The following RTN4 variants were observed in gnomAD, a reference collection of about 807,000 sequenced individuals.
RTN4 encodes reticulon-4.
Under a neutral mutation model 90.4 loss-of-function variants are expected in RTN4, and 32 were observed. The observed-to-expected ratio is 0.35, with a 90% CI of 0.27 to 0.48. RTN4 has a LOEUF of 0.48. Among genes scored for constraint, RTN4 ranks in the 20% least tolerant of loss-of-function variants. RTN4 has a pLI of 0.99. For missense variants in RTN4, 1,706 were observed against 1,430.2 expected (o/e 1.19, Z -3.11); for synonymous variants, 629 against 552.5 (o/e 1.14, Z -1.94).
At chr2:55,071,303 C>T (rs1319148227) in intron 2 of RTN4, among the ~76,000 whole-genome samples, 1 of 151,910 alleles carries the variant, frequency 6.6e-6, no homozygotes, top group Admixed American at 6.6e-5. Context: ...CATCATTTCT[C>T]AAATGGGAGC....
chr2:55,004,695 T>A (rs1039403521), intron 3 of RTN4, among the ~76,000 whole-genome samples: 3 of 152,124 alleles, frequency 2.0e-5, no homozygotes, highest in Non-Finnish European at 2.9e-5. Context: ...TTTTCCTTCA[T>A]TGACAAGCTG....
intron 1 of RTN4, among the ~76,000 whole-genome samples, chr2:55,032,908 G>T (rs1228741170): frequency 2.6e-5 from 4 of 151,952 alleles, no homozygotes; most frequent in Non-Finnish European, 4.4e-5. Flanking sequence ...CACACGTGCA[G>T]TTCTAGCAAC....
At chr2:55,128,022 C>G in the RTN4 span, among the ~76,000 whole-genome samples, 1 of 151,802 alleles carries the variant, frequency 6.6e-6, no homozygotes, top group Non-Finnish European at 1.5e-5. Context: ...AAGTTTTCTT[C>G]CATGCCTGGC....
chr2:55,049,956 C>T lies in RTN4; in HGVS notation c.345G>A (p.Ser115=). ...ACAGCGGGGATGGCGCGGGCACGGT[C>T]GACGACACCGGGCTCGGGTCCCAAG... The part of the protein sequence containing the change: ...QPSWDPSPVS[S]TVPAPSPLSA... Residue 115 remains serine (S), a synonymous_variant, in exon 1 of 9, where the codon TCG becomes TCA. Coordinates refer to ENST00000337526, the MANE Select transcript of RTN4 (RefSeq NM_020532.5). 3 of 1,362,668 alleles carry T rather than the reference C, an allele frequency of 2.2e-6. No homozygotes were observed. Among genetic ancestry groups the T allele is most frequent in the Non-Finnish European group, 1.9e-6 (2 of 1,065,040 alleles). The allele number at this position is 1,362,668 out of a possible 1,614,324, so 84.4% of individuals were successfully genotyped here. A position where few individuals can be genotyped will look rare whatever the true frequency, so the allele number is the denominator to read the frequency against.
chr2:55,046,628 C>A (rs904235679), intron 1 of RTN4, among the ~76,000 whole-genome samples: 3 of 152,202 alleles, frequency 2.0e-5, no homozygotes, highest in Non-Finnish European at 4.4e-5. Context: ...ATTATCTGTA[C>A]TCTCCCAAGG....
intron 2 of RTN4, 130 bp from the exon 3 acceptor site, chr2:55,027,615 T>A: frequency 1.1e-6 from 1 of 886,966 alleles, no homozygotes; most frequent in Non-Finnish European, 1.7e-6. Flanking sequence ...TAATAGCAAT[T>A]AATAAGTAAC....
At chr2:55,071,927 G>C (rs932464186) in intron 2 of RTN4, among the ~76,000 whole-genome samples, 3 of 152,170 alleles carry the variant, frequency 2.0e-5, no homozygotes, top group Non-Finnish European at 4.4e-5. Context: ...TTCCAAGAGA[G>C]AGAAGAGGAG....
intron 3 of RTN4, among the ~76,000 whole-genome samples, chr2:55,021,279 T>G (rs1002959997): frequency 6.6e-6 from 1 of 152,102 alleles, no homozygotes; most frequent in African/African-American, 2.4e-5. Context: ...GTACCTATCC[T>G]CACTATAACA....
At chr2:55,113,494 G>A (rs1364162969), upstream of RTN4, among the ~76,000 whole-genome samples, 1 of 152,228 alleles carries the variant, frequency 6.6e-6, no homozygotes, top group East Asian at 1.9e-4. Context: ...TCTCTCTGAA[G>A]TGGGTAAAAG....
rs995445482 is a variant in RTN4 at position 55,022,003 on chromosome 2, C to A, written c.3013+3083G>T. 2.0e-5 allele frequency among the ~76,000 whole-genome samples: 3 copies of A among 152,344 alleles called. No homozygotes were observed. In the South Asian group the frequency reaches 6.2e-4, roughly 32 times the overall value. Reference sequence around the variant, plus strand: ...AAAGAGAATGCCCAAGCATTGCTTACACTTTCTTCCACCATTCCCATTAAG... The same window carrying A: ...AAAGAGAATGCCCAAGCATTGCTTAAACTTTCTTCCACCATTCCCATTAAG... On this transcript the variant is annotated intron_variant, in intron 3 of 8. Transcript: ENST00000337526.
chr2:55,133,528 G>A, the RTN4 span, among the ~76,000 whole-genome samples: 5 of 152,094 alleles, frequency 3.3e-5, no homozygotes, highest in African/African-American at 4.8e-5. Context: ...TGCCCACACC[G>A]GTATGTGTTC....
the RTN4 span, among the ~76,000 whole-genome samples, chr2:55,120,642 T>C: frequency 6.6e-6 from 1 of 152,138 alleles, no homozygotes; most frequent in Non-Finnish European, 1.5e-5. Flanking sequence ...TAACTCCCAT[T>C]CTCAAGCAAG....
chr2:55,072,951 C>T (rs1668541062), intron 2 of RTN4, among the ~76,000 whole-genome samples: 1 of 152,232 alleles, frequency 6.6e-6, no homozygotes, highest in African/African-American at 2.4e-5. Flanking sequence ...AAATGAGCTT[C>T]TTCAGTTGCT....
upstream of RTN4, among the ~76,000 whole-genome samples, chr2:55,051,393 T>G (rs752761198): frequency 1.3e-5 from 2 of 152,240 alleles, no homozygotes; most frequent in African/African-American, 4.8e-5. Flanking sequence ...TTTCGGATGA[T>G]TCAGGCTTTC....
intron 1 of RTN4, among the ~76,000 whole-genome samples, chr2:55,103,287 G>A (rs1046988501): frequency 2.0e-5 from 3 of 152,040 alleles, no homozygotes; most frequent in African/African-American, 7.3e-5. Context: ...TCAGGGCAGA[G>A]AGTAGAATTG....
chr2:54,976,318 C>A (rs1372293372), intron 5 of RTN4, among the ~76,000 whole-genome samples: 3 of 152,208 alleles, frequency 2.0e-5, no homozygotes, highest in Non-Finnish European at 2.9e-5. Flanking sequence ...TCAAATGTCA[C>A]TTGCCTCTTT....
At chr2:55,010,729 G>C (rs1034979996) in intron 3 of RTN4, among the ~76,000 whole-genome samples, 1 of 152,138 alleles carries the variant, frequency 6.6e-6, no homozygotes, top group Non-Finnish European at 1.5e-5. Context: ...TGCACCTTAT[G>C]AAGAGATAAA....
intron 1 of RTN4, among the ~76,000 whole-genome samples, chr2:55,099,584 G>A (rs149291538): frequency 6.6e-6 from 1 of 152,144 alleles, no homozygotes; most frequent in Non-Finnish European, 1.5e-5. Flanking sequence ...AGGGATTTGG[G>A]GGTGCTCTTT....
intron 1 of RTN4, among the ~76,000 whole-genome samples, chr2:55,034,933 A>T (rs1245582888): frequency 2.0e-5 from 3 of 152,194 alleles, no homozygotes; most frequent in Non-Finnish European, 4.4e-5. Context: ...TTGCTATTTT[A>T]TGATAAATTG....
Sources: gnomAD v4.1 joint callset for allele counts (sites outside exome capture counted in the v4.1 genomes callset) on GRCh38, gnomAD v4.1.1 for gene constraint, MANE v1.5 for transcripts, NCBI Gene and HGNC (gene_info 2026-07-23, HGNC 2026-07-21) for gene names.